The following SDK1 variants were observed in gnomAD, a reference collection of about 807,000 sequenced individuals.
SDK1 encodes sidekick cell adhesion molecule 1.
In SDK1, 157 loss-of-function variants were observed where a neutral mutation model predicts 245.5. The observed-to-expected ratio is 0.64, with a 90% CI of 0.56 to 0.73. The LOEUF is 0.73. SDK1 is among the 30% of genes least tolerant of loss of function. SDK1 has a pLI of 0.00. For missense variants in SDK1, 3,583 were observed against 3,002.3 expected, an observed-to-expected ratio of 1.19 and a Z score of -4.52; for synonymous variants, 1,647 against 1,278.5, an observed-to-expected ratio of 1.29 and a Z score of -6.15.
intron 22 of SDK1, among the ~76,000 whole-genome samples, chr7:4,101,478 C>G (rs1475437628): frequency 6.6e-6 from 1 of 152,168 alleles, no homozygotes; most frequent in Non-Finnish European, 1.5e-5. Flanking sequence ...ACTCACCGAT[C>G]TGTCAAAATA....
rs769108896 is a variant in SDK1, at chr7:4,127,335, A to C, written c.3824-46A>C. 6 of 1,380,778 alleles carry C rather than the reference A, an allele frequency of 4.3e-6. No individual in the cohort carries two copies. In the South Asian group the frequency reaches 7.0e-5, roughly 16 times the overall value. The allele number at this position is 1,380,778 out of a possible 1,614,324, so 85.5% of individuals were successfully genotyped here. A position where few individuals can be genotyped will look rare whatever the true frequency, so the allele number is the denominator to read the frequency against. On this transcript the variant is annotated intron_variant, in intron 25 of 44. Transcript: ENST00000404826. ...GTGAAAGCTGGATCTTTGTATGTAG[A>C]CACTCTAGATTTTGGATGCTAATCT...
intron 1 of SDK1, among the ~76,000 whole-genome samples, chr7:3,488,330 C>G (rs1362233921): frequency 1.3e-5 from 2 of 151,996 alleles, no homozygotes; most frequent in African/African-American, 4.8e-5. Context: ...ATGCAGCGTC[C>G]TTACTGTCGT....
chr7:3,568,036 G>T (rs1779983741), intron 1 of SDK1, among the ~76,000 whole-genome samples: 2 of 152,172 alleles, frequency 1.3e-5, no homozygotes, highest in African/African-American at 2.4e-5. Flanking sequence ...GTCCAGGCTG[G>T]TCTCAAACTC....
Position 3,301,280 on chromosome 7 carries a change from C to T in SDK1, c.-307C>T, listed in dbSNP as rs1445482438. Among the ~76,000 whole-genome samples, 1 of 137,300 alleles carries T rather than the reference C, an allele frequency of 7.3e-6. No individual in the cohort carries two copies. Among genetic ancestry groups the T allele is most frequent in the Non-Finnish European group, 1.5e-5 (1 of 65,820 alleles). 90.1% of individuals were successfully genotyped at this position (137,300 alleles called of 152,430 possible). ...CTTTCTTCTCAGCGCCGGGCGGGGGCGGCGGCGGCGGCGGCTCCTCCGCGC... is the reference window on the plus strand; with the variant it reads ...CTTTCTTCTCAGCGCCGGGCGGGGGTGGCGGCGGCGGCGGCTCCTCCGCGC... On this transcript the variant is annotated 5_prime_UTR_variant, in exon 1 of 45. Transcript: ENST00000404826.
chr7:3,657,177 C>T (rs913494787), intron 4 of SDK1, among the ~76,000 whole-genome samples: 14 of 152,162 alleles, frequency 9.2e-5, no homozygotes, highest in African/African-American at 3.4e-4. Context: ...GGGTGTGTGT[C>T]CCACCCAGGG....
At chr7:4,036,100 G>A (rs539857710) in intron 17 of SDK1, among the ~76,000 whole-genome samples, 48 of 152,252 alleles carry the variant, frequency 3.2e-4, no homozygotes, top group Middle Eastern at 3.4e-3. Context: ...GACTTTTAAT[G>A]ATAACCTCTT....
chr7:3,394,238 A>C (rs1033217077), intron 1 of SDK1, among the ~76,000 whole-genome samples: 1 of 152,128 alleles, frequency 6.6e-6, no homozygotes, highest in Non-Finnish European at 1.5e-5. Flanking sequence ...GTAGGGTCTA[A>C]GATCATCTTT....
Position 3,301,277 on chromosome 7 carries a change from G to GGGCGGC in SDK1, c.-297_-292dup, listed in dbSNP as rs540876108. 3.8e-3 allele frequency among the ~76,000 whole-genome samples: 556 copies of GGGCGGC among 145,858 alleles called. 3 individuals carry two copies. Among genetic ancestry groups the GGGCGGC allele is most frequent in the Non-Finnish European group, 5.1e-3 (336 of 65,712 alleles). ...GCACTTTCTTCTCAGCGCCGGGCGG[G>GGGCGGC]GGCGGCGGCGGCGGCGGCTCCTCCG... On this transcript the variant is annotated 5_prime_UTR_variant, in exon 1 of 45. Coordinates refer to ENST00000404826, the MANE Select transcript of SDK1 (RefSeq NM_152744.4).
chr7:3,537,303 C>T (rs1047941889), intron 1 of SDK1, among the ~76,000 whole-genome samples: 2 of 152,160 alleles, frequency 1.3e-5, no homozygotes, highest in Non-Finnish European at 2.9e-5. Flanking sequence ...ACCCATTGTT[C>T]TTCTTTTCTT....
intron 1 of SDK1, among the ~76,000 whole-genome samples, chr7:3,506,428 T>C (rs896204696): frequency 6.6e-6 from 1 of 152,190 alleles, no homozygotes; most frequent in African/African-American, 2.4e-5. Flanking sequence ...GAATTTTCTT[T>C]GTTATTATTC....
chr7:3,696,369 C>T lies in SDK1; in HGVS notation c.713+54264C>T, dbSNP rs112759025. ...GCTGTGCCCTGACGTCCAAGGGACA[C>T]GTTGCATATGTGGAGAGCAGTGGCA... On this transcript the variant is annotated intron_variant, in intron 4 of 44. Transcript: ENST00000404826. Among the ~76,000 whole-genome samples the T allele has an allele frequency of 4.7e-3, 712 of 152,150 alleles. 10 individuals are homozygous for T. Among genetic ancestry groups the T allele is most frequent in the African/African-American group, 0.016 (674 of 41,514 alleles).
chr7:3,369,048 C>CT (rs1010001143), intron 1 of SDK1, among the ~76,000 whole-genome samples: 12 of 151,160 alleles, frequency 7.9e-5, no homozygotes, highest in East Asian at 1.9e-4. Context: ...TTTCTTTTTT[C>CT]TTTTTTTTCT....
At chr7:3,951,701 G>A (rs767906407) in intron 6 of SDK1, 29 bp from the exon 7 acceptor site, 47 of 1,603,580 alleles carry the variant, frequency 2.9e-5, no homozygotes, top group African/African-American at 1.1e-4. Flanking sequence ...AGTCACAATC[G>A]TCGTCATGAA....
At chr7:3,513,453 G>A (rs1015481205) in intron 1 of SDK1, among the ~76,000 whole-genome samples, 1 of 152,042 alleles carries the variant, frequency 6.6e-6, no homozygotes, top group African/African-American at 2.4e-5. Context: ...TCAACTTTTT[G>A]GATGATGTTT....
At chr7:4,215,751 T>C (rs1784760581) in intron 38 of SDK1, among the ~76,000 whole-genome samples, 1 of 152,140 alleles carries the variant, frequency 6.6e-6, no homozygotes, top group Non-Finnish European at 1.5e-5. Flanking sequence ...GAGGAGTCCA[T>C]GTTGATTGTG....
chr7:3,323,410 TATGTG>T (rs1214306139), intron 1 of SDK1, among the ~76,000 whole-genome samples: 2 of 152,174 alleles, frequency 1.3e-5, no homozygotes, highest in African/African-American at 4.8e-5. Flanking sequence ...AGGAAGAAAA[TATGTG>T]GTAACATTGG....
intron 28 of SDK1, among the ~76,000 whole-genome samples, chr7:4,141,392 T>G: frequency 6.6e-6 from 1 of 152,222 alleles, no homozygotes; most frequent in Non-Finnish European, 1.5e-5. Flanking sequence ...ATCTCAGGAT[T>G]ATTACCTCTA....
rs1319437831 is a variant in SDK1 at position 4,110,792 on chromosome 7, G to A, written c.3434+20G>A. The A allele has an allele frequency of 3.9e-6, 6 of 1,554,700 alleles. No homozygotes were observed. Among genetic ancestry groups the A allele is most frequent in the Non-Finnish European group, 5.3e-6 (6 of 1,126,024 alleles). On this transcript the variant is annotated intron_variant, in intron 23 of 44. Transcript: ENST00000404826. ...CTACAGGTGAGAACAGCAGTGATAA[G>A]CTGTTACAGGAGGAAACACTGGCAG... is the stretch of plus-strand genomic sequence containing the variant.
intron 1 of SDK1, among the ~76,000 whole-genome samples, chr7:3,429,597 G>C (rs1779772885): frequency 6.8e-6 from 1 of 146,168 alleles, no homozygotes; most frequent in African/African-American, 2.6e-5. Context: ...CACTGCAAAA[G>C]CCTATTTTTT....
Sources: allele counts gnomAD v4.1 joint callset (sites outside exome capture counted in the v4.1 genomes callset), GRCh38; gene constraint gnomAD v4.1.1; transcripts MANE v1.5; gene names NCBI Gene and HGNC (gene_info 2026-07-23, HGNC 2026-07-21).